Variants in BASP1 observed in about 807,000 individuals in gnomAD.
BASP1 encodes brain abundant membrane attached signal protein 1, also known as brain acid soluble protein 1.
BASP1 carries 1 observed loss-of-function variant against 2.2 expected under a neutral mutation model. That is an observed-to-expected ratio of 0.46 (90% CI 0.16 to 2.17). The LOEUF is 2.17. Among genes scored for constraint, BASP1 ranks in the 30% most tolerant of loss-of-function variants. The pLI, the probability that BASP1 is intolerant of heterozygous loss-of-function variation, is 0.27. For synonymous variants in BASP1, 187 were observed against 154.2 expected, an observed-to-expected ratio of 1.21 and a Z score of -1.58; for missense variants, 352 against 327.2, an observed-to-expected ratio of 1.08 and a Z score of -0.58.
intron 1 of BASP1, among the ~76,000 whole-genome samples, chr5:17,237,308 C>T (rs113785800): frequency 0.014 from 2,101 of 152,090 alleles, 47 homozygotes; most frequent in African/African-American, 0.049. Context: ...CGCACCACTG[C>T]ACTCCAGCCT....
At chr5:17,231,762 C>T (rs1561165974) in intron 1 of BASP1, among the ~76,000 whole-genome samples, 2 of 152,194 alleles carry the variant, frequency 1.3e-5, no homozygotes, top group Non-Finnish European at 2.9e-5. Context: ...TGTAACGTCT[C>T]TGCTCCTCTA....
chr5:17,257,313 A>T (rs886409454), intron 1 of BASP1, among the ~76,000 whole-genome samples: 2 of 65,166 alleles, frequency 3.1e-5, no homozygotes, highest in Non-Finnish European at 5.8e-5. Context: ...AAGAGTGATT[A>T]AAAAACAAAA....
At chr5:17,220,387 T>C (rs1292386222) in intron 1 of BASP1, among the ~76,000 whole-genome samples, 4 of 152,204 alleles carry the variant, frequency 2.6e-5, no homozygotes, top group Non-Finnish European at 5.9e-5. Flanking sequence ...TGTTGGAATA[T>C]AGAACAAATT....
intron 1 of BASP1, among the ~76,000 whole-genome samples, chr5:17,245,803 T>C (rs1029059365): frequency 6.6e-6 from 1 of 152,052 alleles, no homozygotes; most frequent in Non-Finnish European, 1.5e-5. Flanking sequence ...TCACAGTGAA[T>C]AAATACATTG....
intron 1 of BASP1, among the ~76,000 whole-genome samples, chr5:17,269,056 GA>G (rs1395740908): frequency 6.6e-6 from 1 of 152,104 alleles, no homozygotes; most frequent in Non-Finnish European, 1.5e-5. Context: ...CAGATCCTCT[GA>G]AGACACTAAA....
chr5:17,219,968 G>C (rs933940982), intron 1 of BASP1, among the ~76,000 whole-genome samples: 1 of 152,118 alleles, frequency 6.6e-6, no homozygotes, highest in Non-Finnish European at 1.5e-5. Flanking sequence ...TCTTTCAGAT[G>C]ATCTATTTTC....
chr5:17,220,040 T>C (rs1739366116), intron 1 of BASP1, among the ~76,000 whole-genome samples: 1 of 152,220 alleles, frequency 6.6e-6, no homozygotes, highest in African/African-American at 2.4e-5. Flanking sequence ...AAAAGGGACT[T>C]ATTGTGTATA....
chr5:17,262,820 A>G (rs1299371554), intron 1 of BASP1, among the ~76,000 whole-genome samples: 1 of 151,648 alleles, frequency 6.6e-6, no homozygotes, highest in African/African-American at 2.4e-5. Flanking sequence ...TCTTACACCT[A>G]AAGATATTTC....
intron 1 of BASP1, among the ~76,000 whole-genome samples, chr5:17,228,310 A>T (rs1457927622): frequency 6.6e-6 from 1 of 152,222 alleles, no homozygotes; most frequent in Non-Finnish European, 1.5e-5. Flanking sequence ...AAGAGAACTC[A>T]ACTGACCACA....
intron 1 of BASP1, among the ~76,000 whole-genome samples, chr5:17,239,534 G>C (rs561448233): frequency 2.0e-5 from 3 of 152,050 alleles, no homozygotes; most frequent in East Asian, 1.9e-4. Flanking sequence ...CCATATTTTT[G>C]GTTATAACCG....
At chr5:17,233,572 C>T (rs1395786986) in intron 1 of BASP1, among the ~76,000 whole-genome samples, 1 of 152,086 alleles carries the variant, frequency 6.6e-6, no homozygotes, top group Non-Finnish European at 1.5e-5. Context: ...TCTAGTGCAC[C>T]ATACTGCCTC....
chr5:17,249,816 C>T (rs564122370), intron 1 of BASP1, among the ~76,000 whole-genome samples: 1 of 152,234 alleles, frequency 6.6e-6, no homozygotes, highest in African/African-American at 2.4e-5. Flanking sequence ...TTTTTCTTGA[C>T]CATTTGTAAG....
At chr5:17,263,519 AT>A (rs1407105903) in intron 1 of BASP1, among the ~76,000 whole-genome samples, 2 of 152,294 alleles carry the variant, frequency 1.3e-5, no homozygotes, top group East Asian at 3.9e-4. Context: ...TGCATTTTGG[AT>A]TTTTGATGAG....
rs375359204 is a variant in BASP1 at position 17,275,757 on chromosome 5, C to T, written c.541C>T (p.Pro181Ser). Reference sequence around the variant, plus strand: ...AAAACCCGGCAGCTCGGAGGCTGCCCCCTCTTCCAAGGAGACCCCCGCAGC... The same window carrying T: ...AAAACCCGGCAGCTCGGAGGCTGCCTCCTCTTCCAAGGAGACCCCCGCAGC... ...DSKPGSSEAAPSSKETPAATE... is the reference protein window; with the variant it reads ...DSKPGSSEAASSSKETPAATE... The change falls in exon 2 of 2, where the codon CCC becomes TCC. Residue 181 changes from proline (P) to serine (S), a missense_variant. Physicochemically the swap from Pro to Ser is moderately conservative, Grantham distance 74 (BLOSUM62 -1). Transcript: ENST00000322611. The surrounding 1 kb of genome is among the most constrained non-coding windows in gnomAD (Gnocchi z 5.3). 25 of 1,612,376 alleles carry T rather than the reference C, an allele frequency of 1.6e-5. No homozygotes were observed. The highest frequency in any genetic ancestry group is 5.0e-5 in the Admixed American group (3 of 59,872).
chr5:17,225,609 G>A (rs1739484610), intron 1 of BASP1, among the ~76,000 whole-genome samples: 3 of 152,188 alleles, frequency 2.0e-5, no homozygotes, highest in Admixed American at 2.0e-4. Flanking sequence ...TGGTGGGTAT[G>A]TGTTTGAAAA....
intron 1 of BASP1, among the ~76,000 whole-genome samples, chr5:17,231,066 T>A (rs934301683): frequency 9.2e-5 from 14 of 152,196 alleles, no homozygotes; most frequent in African/African-American, 3.4e-4. Flanking sequence ...TAAAAATAAT[T>A]GAAACGATGC....
intron 1 of BASP1, among the ~76,000 whole-genome samples, chr5:17,250,899 C>G (rs569426820): frequency 6.6e-5 from 10 of 152,168 alleles, no homozygotes; most frequent in Non-Finnish European, 2.9e-5. Context: ...CCACAGCGCC[C>G]GGCCAAAATA....
chr5:17,261,620 C>T (rs10054788), intron 1 of BASP1, among the ~76,000 whole-genome samples: 4 of 151,918 alleles, frequency 2.6e-5, no homozygotes, highest in African/African-American at 4.8e-5. Flanking sequence ...TTCTCTCCCC[C>T]CCACCGTCTG....
At chr5:17,222,504 C>T (rs1477430702) in intron 1 of BASP1, among the ~76,000 whole-genome samples, 1 of 152,110 alleles carries the variant, frequency 6.6e-6, no homozygotes, top group Non-Finnish European at 1.5e-5. Context: ...GGTAAATGCT[C>T]TCAAGAGTAA....
Sources: gnomAD v4.1 joint callset for allele counts (sites outside exome capture counted in the v4.1 genomes callset) on GRCh38, gnomAD v4.1.1 for gene constraint, Gnocchi (gnomAD v3.1) non-coding constraint, MANE v1.5 for transcripts, NCBI Gene and HGNC (gene_info 2026-07-23, HGNC 2026-07-21) for gene names.